Variants in RGS10 observed in about 807,000 individuals in gnomAD.
RGS10 encodes regulator of G-protein signalling 10.
Under a neutral mutation model 23.5 loss-of-function variants are expected in RGS10, and 11 were observed. The ratio of observed to expected loss-of-function variants is 0.47; its 90% CI spans 0.29 to 0.77. The LOEUF (loss-of-function observed/expected upper bound fraction) is 0.77. RGS10 is among the 30% of genes least tolerant of loss of function. The probability of loss-of-function intolerance (pLI) is 0.08; values close to 1 mark genes in which losing one functional copy is unlikely to be tolerated. For synonymous variants in RGS10, 77 were observed against 83.2 expected, an observed-to-expected ratio of 0.92 and a Z score of 0.41; for missense variants, 180 against 226.3, an observed-to-expected ratio of 0.80 and a Z score of 1.31.
chr10:119,506,615 G>A (rs1490166397), intron 4 of RGS10, among the ~76,000 whole-genome samples: 1 of 152,196 alleles, frequency 6.6e-6, no homozygotes, highest in Non-Finnish European at 1.5e-5. Context: ...GGGGGTGAAG[G>A]CATTTTAATT....
At chr10:119,540,919 T>C (rs1844429654) in intron 1 of RGS10, among the ~76,000 whole-genome samples, 1 of 152,218 alleles carries the variant, frequency 6.6e-6, no homozygotes, top group Non-Finnish European at 1.5e-5. Context: ...ACTTTGCAGG[T>C]GGAGAAAGGT....
intron 1 of RGS10, among the ~76,000 whole-genome samples, chr10:119,532,669 GT>G (rs1472412372): frequency 6.6e-6 from 1 of 152,042 alleles, no homozygotes; most frequent in African/African-American, 2.4e-5. Flanking sequence ...GTGAAACCCT[GT>G]CTCTACTAAA....
At chr10:119,505,982 G>A (rs1187538605) in intron 4 of RGS10, among the ~76,000 whole-genome samples, 1 of 152,216 alleles carries the variant, frequency 6.6e-6, no homozygotes, top group Non-Finnish European at 1.5e-5. Flanking sequence ...GGTTTCGCTT[G>A]TATATGAAAA....
chr10:119,517,895 G>A lies in RGS10; in HGVS notation c.256-2243C>T, dbSNP rs146029385. 1.1e-3 allele frequency among the ~76,000 whole-genome samples: 164 copies of A among 152,256 alleles called. 1 individual carries two copies. The highest frequency in any genetic ancestry group is 3.9e-3 in the African/African-American group (160 of 41,536). On this transcript the variant is annotated intron_variant, in intron 3 of 4. Transcript: ENST00000369103. The surrounding 1 kb of genome is among the most constrained non-coding windows in gnomAD (Gnocchi z 5.0). ...CACCGGCTGTCCCTCCTGAGTCTGCGTGAGAACAATGTGGGGTTCAAGGCC... is the reference window on the plus strand; with the variant it reads ...CACCGGCTGTCCCTCCTGAGTCTGCATGAGAACAATGTGGGGTTCAAGGCC...
intron 4 of RGS10, among the ~76,000 whole-genome samples, chr10:119,506,720 G>A (rs1477292674): frequency 6.6e-6 from 1 of 151,966 alleles, no homozygotes; most frequent in Non-Finnish European, 1.5e-5. Context: ...TATTTTTTTT[G>A]AGACGGAGTC....
At chr10:119,532,870 A>C (rs1844345456) in intron 1 of RGS10, among the ~76,000 whole-genome samples, 1 of 151,606 alleles carries the variant, frequency 6.6e-6, no homozygotes, top group Non-Finnish European at 1.5e-5. Context: ...AAAAACAAAC[A>C]AACCAAAAAA....
intron 1 of RGS10, among the ~76,000 whole-genome samples, chr10:119,540,371 C>T (rs753900233): frequency 2.0e-5 from 3 of 152,178 alleles, no homozygotes; most frequent in Non-Finnish European, 4.4e-5. Context: ...TCACTTCAGC[C>T]GTCTAAGGAG....
At chr10:119,503,830 C>T (rs1179009020) in intron 4 of RGS10, among the ~76,000 whole-genome samples, 4 of 152,214 alleles carry the variant, frequency 2.6e-5, no homozygotes, top group Non-Finnish European at 5.9e-5. Flanking sequence ...GGACACTAGT[C>T]AGATTGGGTT....
intron 4 of RGS10, 72 bp downstream of exon 4, chr10:119,515,425 ACATCGGGTGTTT>A: frequency 6.5e-7 from 1 of 1,533,426 alleles, no homozygotes; most frequent in Non-Finnish European, 9.0e-7. Context: ...AGGGAGTCTA[ACATCGGGTGTTT>A]CAGTAAATTC....
Position 119,517,814 on chromosome 10 carries a change from TA to T in RGS10, c.256-2163del, listed in dbSNP as rs1364695652. ...GCAGAAGAGGCCGGGGGAGAGGAAG[TA>T]GGTTCCAGTGACTGCAGGTATATAA... On this transcript the variant is annotated intron_variant, in intron 3 of 4. Coordinates refer to ENST00000369103, the MANE Select transcript of RGS10 (RefSeq NM_001005339.2). This position sits in a 1 kb window ranked among gnomAD's most constrained non-coding sequence, Gnocchi z 5.0. 6.6e-6 allele frequency among the ~76,000 whole-genome samples: 1 copy of T among 152,156 alleles called. No individual in the cohort carries two copies. Among genetic ancestry groups the T allele is most frequent in the Non-Finnish European group, 1.5e-5 (1 of 68,018 alleles).
intron 1 of RGS10, among the ~76,000 whole-genome samples, chr10:119,529,994 A>C (rs1844316395): frequency 6.6e-6 from 1 of 152,150 alleles, no homozygotes; most frequent in South Asian, 2.1e-4. Flanking sequence ...AGGGAGGCTA[A>C]GGCAGGCGAA....
intron 4 of RGS10, among the ~76,000 whole-genome samples, chr10:119,508,649 T>C (rs1844042778): frequency 6.6e-6 from 1 of 152,228 alleles, no homozygotes; most frequent in African/African-American, 2.4e-5. Context: ...GAGTACAGCC[T>C]GAAAGGACCA....
At chr10:119,520,273 C>T (rs963447577) in intron 3 of RGS10, among the ~76,000 whole-genome samples, 3 of 152,186 alleles carry the variant, frequency 2.0e-5, no homozygotes, top group Admixed American at 6.5e-5. Context: ...GAGAAGCAGT[C>T]GGAGACACAG....
At chr10:119,516,094 A>G (rs1250428469) in intron 3 of RGS10, among the ~76,000 whole-genome samples, 2 of 152,058 alleles carry the variant, frequency 1.3e-5, no homozygotes, top group African/African-American at 4.8e-5. Context: ...TCTAGTAAAA[A>G]GACAAAAATT....
At chr10:119,508,689 G>A (rs1479797149) in intron 4 of RGS10, among the ~76,000 whole-genome samples, 1 of 152,228 alleles carries the variant, frequency 6.6e-6, no homozygotes, top group African/African-American at 2.4e-5. Context: ...GCTAAGAAGA[G>A]AGAAGGAGCG....
intron 1 of RGS10, among the ~76,000 whole-genome samples, chr10:119,536,088 T>C (rs947496273): frequency 6.6e-6 from 1 of 152,200 alleles, no homozygotes; most frequent in African/African-American, 2.4e-5. Flanking sequence ...GTTTATCGGC[T>C]CCAGTATCTA....
intron 1 of RGS10, chr10:119,536,454 G>T (rs377528437): frequency 6.2e-7 from 1 of 1,612,596 alleles, no homozygotes; most frequent in Non-Finnish European, 8.5e-7. Context: ...GGGTGGGGGC[G>T]ATTCCTTACG....
intron 4 of RGS10, among the ~76,000 whole-genome samples, chr10:119,512,902 C>T (rs959263342): frequency 2.6e-5 from 4 of 152,154 alleles, no homozygotes; most frequent in African/African-American, 9.7e-5. Context: ...TTACATTCAG[C>T]AGTTTGGACT....
intron 1 of RGS10, among the ~76,000 whole-genome samples, chr10:119,529,760 A>T (rs1007711161): frequency 1.3e-5 from 2 of 152,196 alleles, no homozygotes; most frequent in Non-Finnish European, 2.9e-5. Flanking sequence ...TGTTTCTATA[A>T]AAAAAAGTTC....
Sources: allele counts gnomAD v4.1 joint callset (sites outside exome capture counted in the v4.1 genomes callset), GRCh38; gene constraint gnomAD v4.1.1; non-coding constraint Gnocchi (gnomAD v3.1); transcripts MANE v1.5; gene names NCBI Gene and HGNC (gene_info 2026-07-23, HGNC 2026-07-21).